REPS2: variants seen among roughly 807,000 people sequenced by gnomAD.
REPS2 encodes RALBP1 associated Eps domain containing 2.
In REPS2, 23 loss-of-function variants were observed where a neutral mutation model predicts 53.6. The observed-to-expected ratio is 0.43, with a 90% confidence interval of 0.31 to 0.61. The LOEUF (loss-of-function observed/expected upper bound fraction) is 0.61, where lower values mean the gene tolerates loss of function less well. Among genes scored for constraint, REPS2 ranks in the 20% least tolerant of loss-of-function variants. The probability of loss-of-function intolerance (pLI) is 0.11; values close to 1 mark genes in which losing one functional copy is unlikely to be tolerated. For synonymous variants in REPS2, 238 were observed against 218.6 expected (o/e 1.09, Z -0.78); for missense variants, 446 against 534.9 (o/e 0.83, Z 1.64).
intron 5 of REPS2, among the ~76,000 whole-genome samples, chrX:17,033,507 AC>A (rs1470001440): frequency 9.0e-6 from 1 of 110,914 alleles, no homozygotes; most frequent in Non-Finnish European, 1.9e-5. Flanking sequence ...AGCTCCACCC[AC>A]CCATCAGCAC....
At position 17,035,255 on chromosome X, in the gene REPS2, C is replaced by T. The variant is rs750066304; in HGVS notation, c.771+5632C>T. On this transcript the variant is annotated intron_variant, in intron 5 of 17. Coordinates refer to ENST00000357277, the MANE Select transcript of REPS2 (RefSeq NM_004726.3). The stretch of plus-strand genomic sequence containing the variant: ...CCTTTGGGGGAGGCTGATATTGCAC[C>T]GAGAGATCTTCTTGTGGCATGAAAG... 4.6e-5 allele frequency among the ~76,000 whole-genome samples: 5 copies of T among 108,580 alleles called. No individual in the cohort carries two copies. The South Asian group carries it at 1.7e-3, about 37-fold the overall frequency. 94.3% of individuals were successfully genotyped at this position (108,580 alleles called of 115,157 possible). A position where few individuals can be genotyped will look rare whatever the true frequency, so the allele number is the denominator to read the frequency against.
intron 6 of REPS2, among the ~76,000 whole-genome samples, chrX:17,051,469 C>T (rs999861019): frequency 4.5e-5 from 5 of 111,714 alleles, no homozygotes; most frequent in African/African-American, 1.6e-4. Context: ...TAATTCCCAC[C>T]AACAGTTAGC....
intron 13 of REPS2, among the ~76,000 whole-genome samples, chrX:17,102,732 G>A (rs987997477): frequency 2.7e-5 from 3 of 112,340 alleles, no homozygotes; most frequent in Non-Finnish European, 5.6e-5. Context: ...GCTAGCTAAG[G>A]GAAATCAAAA....
chrX:16,991,318 C>T (rs1249971679), intron 1 of REPS2, among the ~76,000 whole-genome samples: 1 of 110,941 alleles, frequency 9.0e-6, no homozygotes, highest in Admixed American at 9.6e-5. Flanking sequence ...GTAGAAACTC[C>T]AGTTTTGAGC....
At chrX:17,158,315 CCTTGA>C in the REPS2 span, among the ~76,000 whole-genome samples, 198 of 111,133 alleles carry the variant, frequency 1.8e-3, no homozygotes, top group Non-Finnish European at 3.2e-3. Flanking sequence ...ATATATGATC[CCTTGA>C]CTTGTATATT....
the REPS2 span, among the ~76,000 whole-genome samples, chrX:17,169,330 G>T: frequency 8.9e-6 from 1 of 112,035 alleles, no homozygotes; most frequent in East Asian, 2.8e-4. Flanking sequence ...TGAATTGGGG[G>T]TACATTAGGC....
chrX:17,077,979 T>C (rs754062447), intron 13 of REPS2, among the ~76,000 whole-genome samples: 4 of 112,339 alleles, frequency 3.6e-5, no homozygotes, highest in Non-Finnish European at 7.5e-5. Flanking sequence ...TGGGATGTTC[T>C]TGAGCCCGCA....
chrX:17,170,933 C>T, the REPS2 span, among the ~76,000 whole-genome samples: 8 of 113,028 alleles, frequency 7.1e-5, no homozygotes, highest in African/African-American at 2.6e-4. Flanking sequence ...AGCCTCTGCC[C>T]ACCTCTCTCT....
rs772775298 is a variant in REPS2, at chrX:17,151,776, T to C, written c.*4295T>C. On this transcript the variant is annotated 3_prime_UTR_variant, in exon 18 of 18. Coordinates refer to ENST00000357277, the MANE Select transcript of REPS2 (RefSeq NM_004726.3). Reference sequence around the variant, plus strand: ...AGAGAACACTAGTAATTCTGGTTTTTCTTTCTAACTGCTTTACTGTTTCAA... The same window carrying C: ...AGAGAACACTAGTAATTCTGGTTTTCCTTTCTAACTGCTTTACTGTTTCAA... 1 of 112,406 alleles carries C rather than the reference T, an allele frequency of 8.9e-6. No individual in the cohort carries two copies. The highest frequency in any genetic ancestry group is 3.2e-5 in the African/African-American group (1 of 30,982). 9.3% of individuals were successfully genotyped at this position (112,406 alleles called of 1,213,427 possible).
At chrX:17,036,137 C>A (rs377708303) in intron 5 of REPS2, among the ~76,000 whole-genome samples, 35 of 112,015 alleles carry the variant, frequency 3.1e-4, no homozygotes, top group African/African-American at 1.0e-3. Context: ...GTGAAAATGC[C>A]TATATATTTG....
chrX:17,043,369 A>G (rs1229001820), intron 5 of REPS2, among the ~76,000 whole-genome samples: 1 of 111,270 alleles, frequency 9.0e-6, no homozygotes, highest in African/African-American at 3.3e-5. Context: ...AATGAGAGCC[A>G]AGGAATGGCC....
At chrX:17,115,941 C>G (rs112065534) in intron 14 of REPS2, among the ~76,000 whole-genome samples, 2,779 of 111,713 alleles carry the variant, frequency 0.025, 92 homozygotes, top group African/African-American at 0.087. Flanking sequence ...TCGACACAGA[C>G]ACAGTAACAA....
At chrX:16,970,257 C>T (rs1217359896) in intron 1 of REPS2, among the ~76,000 whole-genome samples, 3 of 106,293 alleles carry the variant, frequency 2.8e-5, no homozygotes, top group Non-Finnish European at 3.9e-5. Context: ...AGTGCAGTGG[C>T]GTGATCTCGG....
intron 14 of REPS2, among the ~76,000 whole-genome samples, chrX:17,120,997 G>A (rs758048622): frequency 9.0e-6 from 1 of 111,647 alleles, no homozygotes; most frequent in East Asian, 2.8e-4. Context: ...TCATATGCCC[G>A]TGTCTGTGGT....
intron 2 of REPS2, among the ~76,000 whole-genome samples, chrX:17,020,875 C>CCCGCCT (rs2061566606): frequency 9.0e-6 from 1 of 111,425 alleles, no homozygotes; most frequent in South Asian, 3.8e-4. Flanking sequence ...AGGAGGTCCA[C>CCCGCCT]CCGCCTCCGC....
chrX:17,006,687 G>T (rs1188032412), intron 2 of REPS2, among the ~76,000 whole-genome samples: 1 of 111,595 alleles, frequency 9.0e-6, no homozygotes, highest in Non-Finnish European at 1.9e-5. Context: ...GTTATTGAAG[G>T]CTCTGTTAGA....
intron 14 of REPS2, among the ~76,000 whole-genome samples, chrX:17,121,084 C>G (rs936302876): frequency 3.6e-5 from 4 of 111,849 alleles, no homozygotes; most frequent in Admixed American, 1.9e-4. Context: ...TGAGCAGTAT[C>G]TTTTATACAA....
At chrX:17,181,055 A>G in the REPS2 span, among the ~76,000 whole-genome samples, 552 of 112,249 alleles carry the variant, frequency 4.9e-3, 6 homozygotes, top group African/African-American at 0.017. Flanking sequence ...GCCTAAAAGT[A>G]TACTGTCTTC....
In REPS2 at chrX:17,099,040, C is replaced by T. The variant is rs185192606; in HGVS notation, c.1517-4678C>T. Reference sequence around the variant, plus strand: ...TCCTTCCTCAGTCAATTTCCATCTCCAAAATGGCAACTCTGGTAACTTATT... The same window carrying T: ...TCCTTCCTCAGTCAATTTCCATCTCTAAAATGGCAACTCTGGTAACTTATT... On this transcript the variant is annotated intron_variant, in intron 13 of 17. Coordinates refer to ENST00000357277, the MANE Select transcript of REPS2 (RefSeq NM_004726.3). Among the ~76,000 whole-genome samples, 239 of 111,754 alleles carry T rather than the reference C, an allele frequency of 2.1e-3. 1 individual carries two copies. Among genetic ancestry groups the T allele is most frequent in the African/African-American group, 6.9e-3 (214 of 30,796 alleles).
Sources: allele counts gnomAD v4.1 joint callset (sites outside exome capture counted in the v4.1 genomes callset), GRCh38; gene constraint gnomAD v4.1.1; transcripts MANE v1.5; gene names NCBI Gene and HGNC (gene_info 2026-07-23, HGNC 2026-07-21).